Variants in PLCB4 observed in about 807,000 individuals in gnomAD.
PLCB4 encodes phospholipase C beta 4, also known as 1-phosphatidylinositol 4,5-bisphosphate phosphodiesterase beta-4.
Under a neutral mutation model 178.8 loss-of-function variants are expected in PLCB4, and 77 were observed. The ratio of observed to expected loss-of-function variants is 0.43; its 90% CI spans 0.36 to 0.52. The LOEUF is 0.52. PLCB4 is among the 20% of genes least tolerant of loss of function. PLCB4 has a pLI of 0.00. For missense variants in PLCB4, 1,024 were observed against 1,453.4 expected (o/e 0.70, Z 4.80); for synonymous variants, 496 against 490.8 (o/e 1.01, Z -0.14).
intron 7 of PLCB4, among the ~76,000 whole-genome samples, chr20:9,348,315 T>C (rs1174160036): frequency 2.6e-5 from 4 of 152,184 alleles, no homozygotes; most frequent in African/African-American, 9.7e-5. Context: ...CAGTGTGGAA[T>C]CCAGAGGTTT....
At chr20:9,392,528 G>T (rs2038231523) in intron 17 of PLCB4, among the ~76,000 whole-genome samples, 1 of 152,176 alleles carries the variant, frequency 6.6e-6, no homozygotes, top group Non-Finnish European at 1.5e-5. Flanking sequence ...GCATGAATAG[G>T]CCTTATATTC....
intron 2 of PLCB4, among the ~76,000 whole-genome samples, chr20:9,203,645 G>C (rs1475603961): frequency 1.3e-5 from 2 of 152,068 alleles, no homozygotes; most frequent in Non-Finnish European, 2.9e-5. Context: ...CAATGAGTTA[G>C]GTAGATAATT....
intron 3 of PLCB4, among the ~76,000 whole-genome samples, chr20:9,302,762 G>T (rs1255908706): frequency 2.6e-5 from 4 of 152,130 alleles, no homozygotes; most frequent in African/African-American, 9.7e-5. Context: ...AAGAATAGTA[G>T]TGAGGTCTGA....
At chr20:9,253,209 T>G (rs1375904788) in intron 3 of PLCB4, among the ~76,000 whole-genome samples, 1 of 152,196 alleles carries the variant, frequency 6.6e-6, no homozygotes, top group Non-Finnish European at 1.5e-5. Flanking sequence ...ACTTCCCCAC[T>G]GGGTTTTGCT....
chr20:9,362,742 G>T (rs556773060), intron 7 of PLCB4, among the ~76,000 whole-genome samples, 154 bp from the exon 8 acceptor site: 38 of 152,252 alleles, frequency 2.5e-4, no homozygotes, highest in African/African-American at 8.9e-4. Flanking sequence ...TAAAATATGA[G>T]CCTGCAAAAT....
chr20:9,138,661 A>G (rs1005004294), intron 2 of PLCB4, among the ~76,000 whole-genome samples: 21 of 152,186 alleles, frequency 1.4e-4, no homozygotes, highest in African/African-American at 4.8e-4. Flanking sequence ...TTCTATTTCT[A>G]ATGATTATAT....
At chr20:9,267,305 T>C (rs2094358681) in intron 3 of PLCB4, among the ~76,000 whole-genome samples, 2 of 152,210 alleles carry the variant, frequency 1.3e-5, no homozygotes, top group Admixed American at 1.3e-4. Flanking sequence ...TTATGACTTA[T>C]CTATAAGCTA....
chr20:9,127,031 C>T (rs1165700985), intron 2 of PLCB4, among the ~76,000 whole-genome samples: 1 of 152,238 alleles, frequency 6.6e-6, no homozygotes, highest in East Asian at 1.9e-4. Context: ...TGTATTTCCT[C>T]ATTTTAAAGC....
intron 28 of PLCB4, among the ~76,000 whole-genome samples, chr20:9,434,089 A>G (rs568523495): frequency 6.6e-6 from 1 of 152,362 alleles, no homozygotes; most frequent in Admixed American, 6.5e-5. Flanking sequence ...GGAACTGGTT[A>G]AAGAAATTAT....
Position 9,479,519 on chromosome 20 carries a change from C to T in PLCB4, c.*510C>T, listed in dbSNP as rs2044764278. The T allele has an allele frequency of 6.4e-6, 1 of 156,094 alleles. No homozygotes were observed. Among genetic ancestry groups the T allele is most frequent in the African/African-American group, 2.4e-5 (1 of 41,432 alleles). 9.7% of individuals were successfully genotyped at this position (156,094 alleles called of 1,614,324 possible). A position where few individuals can be genotyped will look rare whatever the true frequency, so the allele number is the denominator to read the frequency against. ...TCTAAGTTACCTCATCAGTAAGTGCCATGTCTCTACCATGCCATCAGAGGC... is the reference window on the plus strand; with the variant it reads ...TCTAAGTTACCTCATCAGTAAGTGCTATGTCTCTACCATGCCATCAGAGGC... On this transcript the variant is annotated 3_prime_UTR_variant, in exon 40 of 40. Coordinates refer to ENST00000378473, the MANE Select transcript of PLCB4 (RefSeq NM_001377142.1).
At chr20:9,104,449 A>G (rs984554191) in intron 2 of PLCB4, among the ~76,000 whole-genome samples, 4 of 152,128 alleles carry the variant, frequency 2.6e-5, no homozygotes, top group Admixed American at 6.5e-5. Context: ...GAAGTGTCAA[A>G]GAATTTGGGG....
intron 16 of PLCB4, 129 bp downstream of exon 16, chr20:9,390,087 C>G (rs2038015543): frequency 5.1e-6 from 3 of 587,478 alleles, no homozygotes; most frequent in Non-Finnish European, 9.0e-6. Context: ...TCAAATAATT[C>G]TCCAGCAAGG....
intron 6 of PLCB4, 58 bp downstream of exon 6, chr20:9,338,125 C>A: frequency 8.6e-7 from 1 of 1,160,760 alleles, no homozygotes; most frequent in Non-Finnish European, 1.3e-6. Flanking sequence ...TGGAAATGGC[C>A]ATGGCTTCTA....
intron 17 of PLCB4, among the ~76,000 whole-genome samples, chr20:9,391,786 G>A (rs1200246876): frequency 6.6e-6 from 1 of 152,116 alleles, no homozygotes; most frequent in Non-Finnish European, 1.5e-5. Flanking sequence ...GCAGTGCCAG[G>A]GAATTATCAC....
At chr20:9,413,589 G>A (rs867511519) in intron 25 of PLCB4, among the ~76,000 whole-genome samples, 1 of 150,884 alleles carries the variant, frequency 6.6e-6, no homozygotes, top group South Asian at 2.1e-4. Flanking sequence ...AACCTGGGAG[G>A]CAGAGCTTAC....
At chr20:9,202,744 A>C (rs2093562484) in intron 2 of PLCB4, among the ~76,000 whole-genome samples, 1 of 152,166 alleles carries the variant, frequency 6.6e-6, no homozygotes, top group African/African-American at 2.4e-5. Context: ...CAGCTGCTTT[A>C]GTTCCTTTAT....
At chr20:9,439,137 C>T (rs1256326313) in intron 30 of PLCB4, among the ~76,000 whole-genome samples, 2 of 152,228 alleles carry the variant, frequency 1.3e-5, no homozygotes, top group Non-Finnish European at 2.9e-5. Flanking sequence ...TAGCTTAAGA[C>T]AACCACCATT....
chr20:9,299,712 T>C (rs576416742), intron 3 of PLCB4, among the ~76,000 whole-genome samples: 1 of 152,162 alleles, frequency 6.6e-6, no homozygotes, highest in South Asian at 2.1e-4. Flanking sequence ...TGCTTAGTGA[T>C]GATTATATAA....
chr20:9,298,320 C>T (rs1352391923), intron 3 of PLCB4, among the ~76,000 whole-genome samples: 1 of 152,084 alleles, frequency 6.6e-6, no homozygotes, highest in African/African-American at 2.4e-5. Flanking sequence ...TCTGAAGGCT[C>T]CTGTGTCACA....
Sources: gnomAD v4.1 joint callset for allele counts (sites outside exome capture counted in the v4.1 genomes callset) on GRCh38, gnomAD v4.1.1 for gene constraint, MANE v1.5 for transcripts, NCBI Gene and HGNC (gene_info 2026-07-23, HGNC 2026-07-21) for gene names.